The following RBSN variants were observed in gnomAD, a reference collection of about 807,000 sequenced individuals.
RBSN encodes rabenosyn, RAB effector.
A neutral mutation model predicts 60.5 loss-of-function variants in RBSN; 34 were observed. The observed-to-expected ratio is 0.56, with a 90% CI of 0.43 to 0.75. The LOEUF is 0.75. RBSN is among the 30% of genes least tolerant of loss of function. The probability of loss-of-function intolerance (pLI) is 0.00; values close to 1 mark genes in which losing one functional copy is unlikely to be tolerated. For missense variants in RBSN, 845 were observed against 986.8 expected, an observed-to-expected ratio of 0.86 and a Z score of 1.92; for synonymous variants, 322 against 366.9, an observed-to-expected ratio of 0.88 and a Z score of 1.40.
At position 15,073,829 on chromosome 3, in the gene RBSN, G is replaced by C. The variant is rs533990013; in HGVS notation, c.2308C>G (p.Arg770Gly). The change falls in exon 14 of 14, where the codon CGG becomes GGG. Residue 770 changes from arginine to glycine, a missense_variant. Coordinates refer to ENST00000253699, the MANE Select transcript of RBSN (RefSeq NM_022340.4). ...DEVEVLTENL[R>G]ELKHTLAKQK... ...TTGGCCAGGGTGTGCTTCAGCTCCC[G>C]CAGATTCTCTGTCAGCACCTCTACC... is the stretch of plus-strand genomic sequence containing the variant. The C allele has an allele frequency of 9.3e-6, 15 of 1,612,932 alleles. No individual in the cohort carries two copies. Among genetic ancestry groups the C allele is most frequent in the Non-Finnish European group, 1.3e-5 (15 of 1,179,692 alleles).
At chr3:15,093,281 T>C (rs1199246295) in intron 4 of RBSN, among the ~76,000 whole-genome samples, 1 of 152,250 alleles carries the variant, frequency 6.6e-6, no homozygotes, top group Non-Finnish European at 1.5e-5. Flanking sequence ...TTTACTTTCC[T>C]GATTCTGAAA....
intron 5 of RBSN, among the ~76,000 whole-genome samples, chr3:15,088,496 C>T (rs2043407221): frequency 1.3e-5 from 2 of 152,098 alleles, no homozygotes; most frequent in Non-Finnish European, 2.9e-5. Context: ...TCTCCTGCCT[C>T]AGCCTCCCGA....
chr3:15,078,798 ATATATATATATATATATATATATATAC>A (rs2043128357), intron 10 of RBSN, among the ~76,000 whole-genome samples: 1 of 91,214 alleles, frequency 1.1e-5, no homozygotes, highest in Non-Finnish European at 2.1e-5. Context: ...ATATATATAT[ATATATATATATATATATATATATATAC>A]ATGGTTTTGT....
In RBSN at chr3:15,096,012, G is replaced by A. The variant is rs746445455; in HGVS notation, c.109C>T (p.His37Tyr). 8.7e-6 allele frequency: 14 copies of A among 1,614,178 alleles called. No homozygotes were observed. Among genetic ancestry groups the A allele is most frequent in the Non-Finnish European group, 1.2e-5 (14 of 1,180,022 alleles). The change falls in exon 4 of 14, where the codon CAC (histidine) becomes TAC (tyrosine). Residue 37 changes from histidine to tyrosine, a missense_variant. By Grantham distance (83) the His-to-Tyr change is moderately conservative. Coordinates refer to ENST00000253699, the MANE Select transcript of RBSN (RefSeq NM_022340.4). ...TTGACATCACGGTCTTCCCCTGAGT[G>A]TTCTTCCTCGTAATGTGAGTGAAGC... is the stretch of plus-strand genomic sequence containing the variant. ...YQLHSHYEEE[H>Y]SGEDRDVKGQ...
rs1156380650 is a variant in RBSN, at chr3:15,071,920, A to G, written c.*1862T>C. 6.5e-6 allele frequency: 1 copy of G among 152,674 alleles called. No individual in the cohort carries two copies. Among genetic ancestry groups the G allele is most frequent in the East Asian group, 1.9e-4 (1 of 5,196 alleles). 9.5% of individuals were successfully genotyped at this position (152,674 alleles called of 1,614,324 possible). A position where few individuals can be genotyped will look rare whatever the true frequency, so the allele number is the denominator to read the frequency against. ...CCAGAGCTGAGCACATATGGCTATCATGATGTCAGATGTCAGTTAAGAGTT... is the reference window on the plus strand; with the variant it reads ...CCAGAGCTGAGCACATATGGCTATCGTGATGTCAGATGTCAGTTAAGAGTT... On this transcript the variant is annotated 3_prime_UTR_variant, in exon 14 of 14. Coordinates refer to ENST00000253699, the MANE Select transcript of RBSN (RefSeq NM_022340.4).
At chr3:15,094,396 C>T (rs540605990) in intron 4 of RBSN, among the ~76,000 whole-genome samples, 3 of 152,346 alleles carry the variant, frequency 2.0e-5, no homozygotes, top group African/African-American at 7.2e-5. Flanking sequence ...CAAAGGGCAG[C>T]ACTGGATTTA....
rs758047891 is a variant in RBSN, at chr3:15,096,133, C to G, written c.-13G>C. 6 of 1,556,034 alleles carry G rather than the reference C, an allele frequency of 3.9e-6. No homozygotes were observed. The highest frequency in any genetic ancestry group is 5.2e-6 in the Non-Finnish European group (6 of 1,154,676). On this transcript the variant is annotated 5_prime_UTR_variant, in exon 4 of 14. Coordinates refer to ENST00000253699, the MANE Select transcript of RBSN (RefSeq NM_022340.4). ...CCAGAGAAGCCATGGCAGTGCCGCT[C>G]TCAACCCTAGGAAGGCAGGAATCTC...
intron 4 of RBSN, chr3:15,095,532 G>A (rs923769460): frequency 4.3e-6 from 1 of 230,752 alleles, no homozygotes; most frequent in African/African-American, 2.3e-5. Flanking sequence ...GATACCAATT[G>A]GGGAAGGAAG....
chr3:15,074,989 T>C lies in RBSN; in HGVS notation c.1207-59A>G, dbSNP rs2043018730. 6.5e-7 allele frequency: 1 copy of C among 1,533,334 alleles called. No homozygotes were observed. The highest frequency in any genetic ancestry group is 1.7e-4 in the Middle Eastern group (1 of 5,728). The allele number at this position is 1,533,334 out of a possible 1,614,324, so 95.0% of individuals were successfully genotyped here. On this transcript the variant is annotated intron_variant, in intron 13 of 13. Coordinates refer to ENST00000253699, the MANE Select transcript of RBSN (RefSeq NM_022340.4). This position sits in a 1 kb window ranked among gnomAD's most constrained non-coding sequence, Gnocchi z 6.4. ...TCACTATGCTGGCAGCAGCCCACAC[T>C]GTCACCCACCCTCTGTTGTCCCTCT... is the stretch of plus-strand genomic sequence containing the variant.
chr3:15,091,544 A>G, intron 4 of RBSN: 1 of 1,255,862 alleles, frequency 8.0e-7, no homozygotes, highest in East Asian at 5.7e-5. Flanking sequence ...GAAAATGAAC[A>G]TTTCCTGTAT....
rs2042903535 is a variant in RBSN at position 15,070,407 on chromosome 3, C to T, written c.*3375G>A. On this transcript the variant is annotated 3_prime_UTR_variant, in exon 14 of 14. Coordinates refer to ENST00000253699, the MANE Select transcript of RBSN (RefSeq NM_022340.4). ...AGGCATAAAAGGGAAAAGCCAACTT[C>T]ATCTGATGCCTGAATCCCTAAGTCT... 1 of 152,666 alleles carries T rather than the reference C, an allele frequency of 6.6e-6. No individual in the cohort carries two copies. Among genetic ancestry groups the T allele is most frequent in the Non-Finnish European group, 1.5e-5 (1 of 68,048 alleles). The allele number at this position is 152,666 out of a possible 1,614,324, so 9.5% of individuals were successfully genotyped here.
Position 15,082,542 on chromosome 3 carries a change from C to A in RBSN, c.665G>T (p.Ser222Ile). Residue 222 changes from serine to isoleucine, a missense_variant, in exon 9 of 14, where the codon AGT becomes ATT. Transcript: ENST00000253699. The surrounding 1 kb of genome is among the most constrained non-coding windows in gnomAD (Gnocchi z 4.2). ...THTSPSQSPNSVHGSRRGSIS... is the reference protein window; with the variant it reads ...THTSPSQSPNIVHGSRRGSIS... ...GCTGCCTCGGCGGGAGCCATGGACA[C>A]TGTTGGGTGACTGGCTGGGGCTGGT... 1 of 1,614,158 alleles carries A rather than the reference C, an allele frequency of 6.2e-7. No individual in the cohort carries two copies. The highest frequency in any genetic ancestry group is 1.1e-5 in the South Asian group (1 of 91,082).
chr3:15,082,665 C>G lies in RBSN; in HGVS notation c.599-57G>C. 6.3e-7 allele frequency: 1 copy of G among 1,585,196 alleles called. No homozygotes were observed. The highest frequency in any genetic ancestry group is 2.3e-5 in the East Asian group (1 of 43,998). On this transcript the variant is annotated intron_variant, in intron 8 of 13. Coordinates refer to ENST00000253699, the MANE Select transcript of RBSN (RefSeq NM_022340.4). This position sits in a 1 kb window ranked among gnomAD's most constrained non-coding sequence, Gnocchi z 4.2. Reference sequence around the variant, plus strand: ...CCCCCACAGCATCCAATTACCATACCCACGACCTCAAGGTGTCAGTCCACA... The same window carrying G: ...CCCCCACAGCATCCAATTACCATACGCACGACCTCAAGGTGTCAGTCCACA...
chr3:15,084,879 C>A lies in RBSN; in HGVS notation c.454G>T (p.Val152Leu). 1 of 1,613,760 alleles carries A rather than the reference C, an allele frequency of 6.2e-7. No individual in the cohort carries two copies. The change falls in exon 8 of 14, where the codon GTG becomes TTG. Residue 152 changes from valine to leucine, a missense_variant. By Grantham distance (32) the Val-to-Leu change is conservative (BLOSUM62 1). Coordinates refer to ENST00000253699, the MANE Select transcript of RBSN (RefSeq NM_022340.4). This position sits in a 1 kb window ranked among gnomAD's most constrained non-coding sequence, Gnocchi z 4.2. Reference sequence around the variant, plus strand: ...ACATCCTGGTCGTTGACCCAAGGCACCACAGACTTTTCTATTGCTTTGGGA... The same window carrying A: ...ACATCCTGGTCGTTGACCCAAGGCAACACAGACTTTTCTATTGCTTTGGGA... ...AKIRAIEKSV[V>L]PWVNDQDVPF...
chr3:15,095,005 A>G (rs538698539), intron 4 of RBSN, among the ~76,000 whole-genome samples: 1 of 152,210 alleles, frequency 6.6e-6, no homozygotes, highest in South Asian at 2.1e-4. Context: ...GAGGAGCAGC[A>G]TCTTTGGCGT....
At chr3:15,097,822 GT>G (rs2043702750) in intron 2 of RBSN, among the ~76,000 whole-genome samples, 1 of 152,080 alleles carries the variant, frequency 6.6e-6, no homozygotes, top group African/African-American at 2.4e-5. Flanking sequence ...AAGCTGAAGG[GT>G]GGCAGCAACT....
chr3:15,083,617 C>G (rs951745270), intron 8 of RBSN, among the ~76,000 whole-genome samples: 1 of 152,040 alleles, frequency 6.6e-6, no homozygotes, highest in Middle Eastern at 3.2e-3. Flanking sequence ...CTAAAATGTC[C>G]TCTTTCTCCA....
chr3:15,077,212 A>G lies in RBSN; in HGVS notation c.999-48T>C. ...ATATAATGAGCACTGCCAGCTTCAG[A>G]AACAAGGGTGAAAAGTATAACATCT... On this transcript the variant is annotated intron_variant, in intron 11 of 13. Transcript: ENST00000253699. The surrounding 1 kb of genome is among the most constrained non-coding windows in gnomAD (Gnocchi z 4.4). 6.6e-7 allele frequency: 1 copy of G among 1,512,084 alleles called. No individual in the cohort carries two copies. Among genetic ancestry groups the G allele is most frequent in the South Asian group, 1.1e-5 (1 of 88,948 alleles). 93.7% of individuals were successfully genotyped at this position (1,512,084 alleles called of 1,614,324 possible). A position where few individuals can be genotyped will look rare whatever the true frequency, so the allele number is the denominator to read the frequency against.
chr3:15,090,254 CT>C, intron 5 of RBSN, 144 bp downstream of exon 5: 1 of 849,348 alleles, frequency 1.2e-6, no homozygotes, highest in Non-Finnish European at 1.8e-6. Flanking sequence ...CTTCCATTTT[CT>C]TCCCCCAGCA....
Sources: allele counts gnomAD v4.1 joint callset (sites outside exome capture counted in the v4.1 genomes callset), GRCh38; gene constraint gnomAD v4.1.1; non-coding constraint Gnocchi (gnomAD v3.1); transcripts MANE v1.5; gene names NCBI Gene and HGNC (gene_info 2026-07-23, HGNC 2026-07-21).